Variants in TMC5 observed in about 807,000 individuals in gnomAD.
The protein encoded by TMC5 is transmembrane channel-like protein 5.
TMC5 carries 86 observed loss-of-function variants against 110.5 expected under a neutral mutation model. The observed-to-expected ratio is 0.78, with a 90% CI of 0.65 to 0.93. TMC5 has a LOEUF of 0.93. Ranked by LOEUF, TMC5 falls within the 40% of genes least tolerant of loss-of-function variation. The pLI, the probability that TMC5 is intolerant of heterozygous loss-of-function variation, is 0.00. For synonymous variants in TMC5, 455 were observed against 439.5 expected (o/e 1.04, Z -0.44); for missense variants, 1,144 against 1,222.8 (o/e 0.94, Z 0.96).
Position 19,487,199 on chromosome 16 carries a change from CT to C in TMC5, c.2447del (p.Leu816ArgfsTer2). On this transcript the variant is annotated frameshift_variant, in exon 17 of 22. Coordinates refer to ENST00000542583, the MANE Select transcript of TMC5 (RefSeq NM_001261841.2). LOFTEE classifies it high-confidence loss of function. ...GCTGCCTCTCTCTCTTCAGATCAGCCTGATGATGAATTTCCAGCCTCCGAGC... is the reference window on the plus strand; with the variant it reads ...GCTGCCTCTCTCTCTTCAGATCAGCCGATGATGAATTTCCAGCCTCCGAGC... ...FIMFYSKNISLMMNFQPPSKA... is the reference protein window; with the variant it reads ...FIMFYSKNISXMMNFQPPSKA... 6.2e-7 allele frequency: 1 copy of C among 1,612,438 alleles called. No homozygotes were observed. Among genetic ancestry groups the C allele is most frequent in the South Asian group, 1.1e-5 (1 of 90,776 alleles).
chr16:19,457,032 GGAAGA>G (rs1197208236), intron 5 of TMC5: 1 of 1,586,784 alleles, frequency 6.3e-7, no homozygotes. Context: ...GAAATGCTGG[GGAAGA>G]GAAGTAGGGG....
chr16:19,434,054 A>AT (rs200203424), intron 2 of TMC5, among the ~76,000 whole-genome samples: 14 of 6,334 alleles, frequency 2.2e-3, no homozygotes, highest in African/African-American at 4.4e-3. Context: ...TAATATATAT[A>AT]ATATAAATCT....
At chr16:19,477,541 C>T (rs1968519233) in intron 13 of TMC5, 23 bp downstream of exon 13, 5 of 1,555,632 alleles carry the variant, frequency 3.2e-6, no homozygotes, top group African/African-American at 2.7e-5. Flanking sequence ...GCTTCTCTGC[C>T]TTAAGTTTGG....
chr16:19,491,433 C>T (rs1386323860), intron 18 of TMC5, among the ~76,000 whole-genome samples: 1 of 151,730 alleles, frequency 6.6e-6, no homozygotes, highest in Non-Finnish European at 1.5e-5. Flanking sequence ...CTGCAGTGTT[C>T]TCTGATCGTG....
chr16:19,422,342 G>C (rs1197301029), intron 1 of TMC5, among the ~76,000 whole-genome samples: 1 of 152,050 alleles, frequency 6.6e-6, no homozygotes, highest in Non-Finnish European at 1.5e-5. Context: ...CCCTGAATGG[G>C]GTGAAAAGAG....
At chr16:19,473,240 G>A (rs1347350283) in intron 11 of TMC5, among the ~76,000 whole-genome samples, 1 of 150,702 alleles carries the variant, frequency 6.6e-6, no homozygotes, top group Non-Finnish European at 1.5e-5. Context: ...CAGCTACTCG[G>A]GAGGCTAAGG....
rs781592608 is a variant in TMC5 at position 19,440,027 on chromosome 16, G to C, written c.-12G>C. On this transcript the variant is annotated 5_prime_UTR_variant, in exon 3 of 22. Transcript: ENST00000542583. Reference sequence around the variant, plus strand: ...ACAGTTTACCACTCCAGGGTGAAGAGTCCATACCAACATGTCTGCCTACTA... The same window carrying C: ...ACAGTTTACCACTCCAGGGTGAAGACTCCATACCAACATGTCTGCCTACTA... 4.4e-6 allele frequency: 7 copies of C among 1,606,776 alleles called. No homozygotes were observed. Among genetic ancestry groups the C allele is most frequent in the Non-Finnish European group, 6.0e-6 (7 of 1,175,614 alleles).
At chr16:19,469,898 CT>C (rs10570246) in intron 10 of TMC5, 73 bp downstream of exon 10, 113,934 of 1,123,790 alleles carry the variant, frequency 0.1, 121 homozygotes, top group South Asian at 0.11. Context: ...TGTAACTTTT[CT>C]TTTTTTTTTT....
chr16:19,435,210 G>A (rs866722770), intron 2 of TMC5, among the ~76,000 whole-genome samples: 20 of 151,998 alleles, frequency 1.3e-4, no homozygotes, highest in African/African-American at 4.8e-4. Context: ...TAGGAGTATA[G>A]GCCAGGCGCA....
intron 20 of TMC5, among the ~76,000 whole-genome samples, chr16:19,496,500 AG>A (rs1182418189): frequency 1.3e-5 from 2 of 152,162 alleles, no homozygotes; most frequent in Non-Finnish European, 2.9e-5. Context: ...AGAGGCCTAA[AG>A]GTAGATTCTC....
chr16:19,476,272 G>A (rs115771230), intron 12 of TMC5, among the ~76,000 whole-genome samples: 2,680 of 152,080 alleles, frequency 0.018, 91 homozygotes, highest in African/African-American at 0.062. Context: ...GCTTGAGCCC[G>A]GGAGGTCAAG....
At chr16:19,491,309 C>T (rs1968899116) in intron 18 of TMC5, among the ~76,000 whole-genome samples, 2 of 151,898 alleles carry the variant, frequency 1.3e-5, no homozygotes, top group Non-Finnish European at 2.9e-5. Context: ...CTTGCCCAAG[C>T]TTGCATTGAT....
Position 19,446,806 on chromosome 16 carries a change from C to G in TMC5, c.958+2556C>G, listed in dbSNP as rs540294678. On this transcript the variant is annotated intron_variant, in intron 4 of 21. Coordinates refer to ENST00000542583, the MANE Select transcript of TMC5 (RefSeq NM_001261841.2). Reference sequence around the variant, plus strand: ...TAAAATACTTAAAAAACAAAAAAAGCAGGTCAGTATAGCTCACTTCTCTGG... The same window carrying G: ...TAAAATACTTAAAAAACAAAAAAAGGAGGTCAGTATAGCTCACTTCTCTGG... Among the ~76,000 whole-genome samples the G allele has an allele frequency of 2.6e-5, 4 of 152,276 alleles. No individual in the cohort carries two copies. The South Asian group carries it at 8.3e-4, about 32-fold the overall frequency.
At chr16:19,497,377 G>A (rs751507288) in intron 21 of TMC5, among the ~76,000 whole-genome samples, 1 of 152,170 alleles carries the variant, frequency 6.6e-6, no homozygotes, top group Non-Finnish European at 1.5e-5. Flanking sequence ...TTTCAGTTCC[G>A]TTCTTACCCA....
Position 19,439,985 on chromosome 16 carries a change from T to C in TMC5, c.-54T>C. ...GTGAAAAAAAAAAAAGATCCCTGAG[T>C]AATTGCAAATGCTGGGACAGTTTAC... On this transcript the variant is annotated 5_prime_UTR_variant, in exon 3 of 22. Transcript: ENST00000542583. 7.2e-7 allele frequency: 1 copy of C among 1,392,910 alleles called. No homozygotes were observed. The highest frequency in any genetic ancestry group is 1.5e-5 in the African/African-American group (1 of 68,496). 86.3% of individuals were successfully genotyped at this position (1,392,910 alleles called of 1,614,324 possible).
intron 9 of TMC5, among the ~76,000 whole-genome samples, chr16:19,467,778 G>A (rs972769143): frequency 2.4e-4 from 37 of 151,898 alleles, no homozygotes; most frequent in Admixed American, 2.0e-4. Flanking sequence ...CACTGCGCCC[G>A]GCCTGTAATT....
At chr16:19,486,140 G>A (rs1027310711) in intron 15 of TMC5, among the ~76,000 whole-genome samples, 1 of 152,148 alleles carries the variant, frequency 6.6e-6, no homozygotes, top group Non-Finnish European at 1.5e-5. Context: ...CTCTGTGTTC[G>A]TTTGCTGGGG....
chr16:19,469,180 C>A (rs984177053), intron 9 of TMC5, among the ~76,000 whole-genome samples: 1 of 151,896 alleles, frequency 6.6e-6, no homozygotes, highest in Admixed American at 6.6e-5. Context: ...ATGGTGAAAC[C>A]CTGCCTCTAC....
intron 2 of TMC5, among the ~76,000 whole-genome samples, chr16:19,438,435 G>GAGAGAGAAAGAAAGAAAGAAAGAA (rs1555480629): frequency 1.9e-5 from 2 of 103,920 alleles, no homozygotes; most frequent in African/African-American, 8.3e-5. Flanking sequence ...AAGAAAGAAA[G>GAGAGAGAAAGAAAGAAAGAAAGAA]AGAAAGAAAG....
Sources: allele counts gnomAD v4.1 joint callset (sites outside exome capture counted in the v4.1 genomes callset), GRCh38; gene constraint gnomAD v4.1.1; transcripts MANE v1.5; gene names NCBI Gene and HGNC (gene_info 2026-07-23, HGNC 2026-07-21).